TAB1: variants seen among roughly 807,000 people sequenced by gnomAD.
The protein encoded by TAB1 is TGF-beta-activated kinase 1 and MAP3K7-binding protein 1.
Under a neutral mutation model 54.5 loss-of-function variants are expected in TAB1, and 30 were observed. The ratio of observed to expected loss-of-function variants is 0.55; its 90% CI spans 0.41 to 0.75. The LOEUF (loss-of-function observed/expected upper bound fraction) is 0.75. Among genes scored for constraint, TAB1 ranks in the 30% least tolerant of loss-of-function variants. The pLI, the probability that TAB1 is intolerant of heterozygous loss-of-function variation, is 0.00. For synonymous variants in TAB1, 289 were observed against 286.9 expected (o/e 1.01, Z -0.07); for missense variants, 609 against 683.2 (o/e 0.89, Z 1.21).
downstream of TAB1, among the ~76,000 whole-genome samples, chr22:39,436,280 G>A (rs1351393512): frequency 2.6e-5 from 4 of 151,632 alleles, no homozygotes; most frequent in Admixed American, 6.6e-5. Context: ...GCAACAGAGC[G>A]AGACTCCGTC....
intron 8 of TAB1, among the ~76,000 whole-genome samples, chr22:39,423,527 C>A (rs1352409483): frequency 6.6e-6 from 1 of 152,290 alleles, no homozygotes; most frequent in Non-Finnish European, 1.5e-5. Flanking sequence ...ATCGCTTGAA[C>A]CCGGGAGGTG....
At chr22:39,402,396 T>C (rs1907443485) in intron 1 of TAB1, among the ~76,000 whole-genome samples, 1 of 152,168 alleles carries the variant, frequency 6.6e-6, no homozygotes, top group African/African-American at 2.4e-5. Context: ...CAAGTCTATG[T>C]GTTGAGGGGC....
chr22:39,418,597 G>A lies in TAB1; in HGVS notation c.551-135G>A, dbSNP rs145786862. ...CTGTCCCTAACTGGTGACTCACCCC[G>A]TTGGTCTGAGCCTGTTTTGCCCATT... On this transcript the variant is annotated intron_variant, in intron 5 of 10. Coordinates refer to ENST00000216160, the MANE Select transcript of TAB1 (RefSeq NM_006116.3). 3.2e-3 allele frequency: 2,098 copies of A among 655,890 alleles called. 7 individuals carry two copies. The highest frequency in any genetic ancestry group is 4.9e-3 in the Admixed American group (223 of 45,538). 40.6% of individuals were successfully genotyped at this position (655,890 alleles called of 1,614,324 possible). A position where few individuals can be genotyped will look rare whatever the true frequency, so the allele number is the denominator to read the frequency against.
intron 1 of TAB1, among the ~76,000 whole-genome samples, chr22:39,406,308 G>T (rs1926360616): frequency 6.8e-6 from 1 of 146,362 alleles, no homozygotes; most frequent in African/African-American, 2.5e-5. Flanking sequence ...CTGAGGCAGA[G>T]AATTGCTTAA....
At chr22:39,399,989 C>T (rs940277982) in intron 1 of TAB1, among the ~76,000 whole-genome samples, 154 bp downstream of exon 1, 5 of 152,198 alleles carry the variant, frequency 3.3e-5, no homozygotes, top group Admixed American at 6.5e-5. Flanking sequence ...CTGGCCCCCT[C>T]GTTCCCGAGG....
chr22:39,426,196 G>A (rs1927327902), intron 8 of TAB1, among the ~76,000 whole-genome samples: 1 of 152,208 alleles, frequency 6.6e-6, no homozygotes, highest in Non-Finnish European at 1.5e-5. Flanking sequence ...GGTTTGTCAG[G>A]ACATAGTCCC....
chr22:39,412,983 C>T (rs556621371), intron 1 of TAB1, among the ~76,000 whole-genome samples: 81 of 142,352 alleles, frequency 5.7e-4, no homozygotes, highest in Admixed American at 1.9e-3. Flanking sequence ...TGCACGATCT[C>T]GGCTCACTGC....
In TAB1 at chr22:39,431,678, T is replaced by C; in HGVS notation, c.*1456T>C. 1 of 985,362 alleles carries C rather than the reference T, an allele frequency of 1.0e-6. No individual in the cohort carries two copies. The highest frequency in any genetic ancestry group is 4.7e-5 in the South Asian group (1 of 21,274). 61.0% of individuals were successfully genotyped at this position (985,362 alleles called of 1,614,324 possible). On this transcript the variant is annotated 3_prime_UTR_variant, in exon 11 of 11. Transcript: ENST00000216160. ...AAGAAAAACAGGTCTCAGCCCAGGGTCCTCGCTCACTCCCTCACTCCCCAC... is the reference window on the plus strand; with the variant it reads ...AAGAAAAACAGGTCTCAGCCCAGGGCCCTCGCTCACTCCCTCACTCCCCAC...
chr22:39,404,766 C>G (rs1236384989), intron 1 of TAB1, among the ~76,000 whole-genome samples: 1 of 152,158 alleles, frequency 6.6e-6, no homozygotes. Flanking sequence ...TGCCCTAGCA[C>G]ATTGGAAGTG....
chr22:39,409,350 G>C (rs944847325), intron 1 of TAB1, among the ~76,000 whole-genome samples: 2 of 152,186 alleles, frequency 1.3e-5, no homozygotes, highest in African/African-American at 4.8e-5. Context: ...AATATACTAA[G>C]CAGATCTAAG....
rs191556536 is a variant in TAB1 at position 39,426,318 on chromosome 22, G to A, written c.922-385G>A. ...ACAAAATCCTAGCATGTATAACATCGCCTACAACAAGTTTGTTCCAGGAAA... is the reference window on the plus strand; with the variant it reads ...ACAAAATCCTAGCATGTATAACATCACCTACAACAAGTTTGTTCCAGGAAA... On this transcript the variant is annotated intron_variant, in intron 8 of 10. Coordinates refer to ENST00000216160, the MANE Select transcript of TAB1 (RefSeq NM_006116.3). 5.9e-5 allele frequency among the ~76,000 whole-genome samples: 9 copies of A among 152,272 alleles called. No individual in the cohort carries two copies. In the East Asian group the frequency reaches 9.6e-4, roughly 16 times the overall value.
chr22:39,428,372 T>A (rs1230829131), intron 10 of TAB1, among the ~76,000 whole-genome samples, 189 bp downstream of exon 10: 4 of 152,242 alleles, frequency 2.6e-5, no homozygotes, highest in Non-Finnish European at 5.9e-5. Flanking sequence ...TTTGGTCAGG[T>A]GGCTGATGGT....
chr22:39,436,154 G>A (rs548065761), downstream of TAB1, among the ~76,000 whole-genome samples: 271 of 152,242 alleles, frequency 1.8e-3, 1 homozygote, highest in African/African-American at 5.7e-3. Context: ...GTAGCCAGGC[G>A]TTGTGGTGCA....
downstream of TAB1, among the ~76,000 whole-genome samples, chr22:39,435,868 C>T (rs1380775984): frequency 6.6e-6 from 1 of 152,242 alleles, no homozygotes; most frequent in African/African-American, 2.4e-5. Context: ...GTGACCTTTC[C>T]TGACCTGGTG....
chr22:39,433,883 C>G (rs191701363), downstream of TAB1: 1 of 929,654 alleles, frequency 1.1e-6, no homozygotes, highest in Non-Finnish European at 1.3e-6. Flanking sequence ...GCCCCCACCC[C>G]ACCGCCCCCT....
intron 1 of TAB1, among the ~76,000 whole-genome samples, chr22:39,402,622 G>A (rs1014033285): frequency 6.6e-6 from 1 of 151,624 alleles, no homozygotes; most frequent in Non-Finnish European, 1.5e-5. Context: ...GTGTGATCTC[G>A]GCTCACTGCA....
Position 39,419,569 on chromosome 22 carries a change from A to G in TAB1, c.715A>G (p.Ser239Gly). The G allele has an allele frequency of 1.9e-6, 3 of 1,613,212 alleles. No homozygotes were observed. Among genetic ancestry groups the G allele is most frequent in the Middle Eastern group, 1.7e-4 (1 of 6,048 alleles). ...KQVGIICGQESTRRIGDYKVK... is the reference protein window; with the variant it reads ...KQVGIICGQEGTRRIGDYKVK... ...GGTGGGGATCATCTGTGGGCAGGAGAGCACCCGGCGGATCGGGGATTACAA... is the reference window on the plus strand; with the variant it reads ...GGTGGGGATCATCTGTGGGCAGGAGGGCACCCGGCGGATCGGGGATTACAA... The change falls in exon 7 of 11, where the codon AGC becomes GGC. Residue 239 changes from serine to glycine, a missense_variant. Ser to Gly is a moderately conservative substitution (Grantham distance 56). Coordinates refer to ENST00000216160, the MANE Select transcript of TAB1 (RefSeq NM_006116.3).
downstream of TAB1, chr22:39,432,869 G>A: frequency 1.0e-6 from 1 of 985,450 alleles, no homozygotes; most frequent in Non-Finnish European, 1.2e-6. Context: ...AAATGAAGGT[G>A]AGAGGGACAC....
intron 1 of TAB1, among the ~76,000 whole-genome samples, chr22:39,406,987 G>T (rs1157860181): frequency 6.6e-6 from 1 of 152,196 alleles, no homozygotes; most frequent in Non-Finnish European, 1.5e-5. Flanking sequence ...GGCCTTGTCT[G>T]TACAAGATAC....
Sources: allele counts gnomAD v4.1 joint callset (sites outside exome capture counted in the v4.1 genomes callset), GRCh38; gene constraint gnomAD v4.1.1; transcripts MANE v1.5; gene names NCBI Gene and HGNC (gene_info 2026-07-23, HGNC 2026-07-21).